DHX36: variants seen among roughly 807,000 people sequenced by gnomAD.
The protein encoded by DHX36 is DEAH-box helicase 36, also known as ATP-dependent DNA/RNA helicase DHX36.
A neutral mutation model predicts 139.0 loss-of-function variants in DHX36; 50 were observed. The ratio of observed to expected loss-of-function variants is 0.36; its 90% CI spans 0.29 to 0.46. DHX36 has a LOEUF of 0.46. Ranked by LOEUF, DHX36 falls within the 20% of genes least tolerant of loss-of-function variation. The pLI is 1.00. For missense variants in DHX36, 1,024 were observed against 1,211.3 expected, an observed-to-expected ratio of 0.85 and a Z score of 2.29; for synonymous variants, 425 against 401.9, an observed-to-expected ratio of 1.06 and a Z score of -0.69.
rs990177644 is a variant in DHX36, at chr3:154,276,091, G to A, written c.*80C>T. On this transcript the variant is annotated 3_prime_UTR_variant, in exon 25 of 25. Transcript: ENST00000496811. ...CACATGAAAATTGTTCATGTCCCAGGGTTTGGCATCCAGCCAAAATTTAAA... is the reference window on the plus strand; with the variant it reads ...CACATGAAAATTGTTCATGTCCCAGAGTTTGGCATCCAGCCAAAATTTAAA... The A allele has an allele frequency of 4.3e-6, 6 of 1,411,098 alleles. No homozygotes were observed. The Admixed American group carries it at 1.3e-4, about 30-fold the overall frequency. The allele number at this position is 1,411,098 out of a possible 1,614,324, so 87.4% of individuals were successfully genotyped here.
chr3:154,293,671 G>C, intron 14 of DHX36, 77 bp downstream of exon 14: 1 of 1,063,404 alleles, frequency 9.4e-7, no homozygotes. Flanking sequence ...AGAGAAAAAA[G>C]ATTAAGGTAT....
At chr3:154,285,357 T>C (rs1200612582) in intron 17 of DHX36, among the ~76,000 whole-genome samples, 2 of 152,200 alleles carry the variant, frequency 1.3e-5, no homozygotes, top group East Asian at 1.9e-4. Context: ...CTCTAGATTC[T>C]AGTAGTTTAG....
intron 5 of DHX36, among the ~76,000 whole-genome samples, chr3:154,308,519 TTAAC>T (rs1712599990): frequency 6.6e-6 from 1 of 152,136 alleles, no homozygotes; most frequent in Non-Finnish European, 1.5e-5. Flanking sequence ...ACTCACATAT[TTAAC>T]TAGGTCATCT....
rs542421109 is a variant in DHX36, at chr3:154,287,739, T to C, written c.2031+1127A>G. ...GAAAGTTGAAAACAGATATGCAATA[T>C]ACAACCAATAAAAAGCGCAGATCAA... On this transcript the variant is annotated intron_variant, in intron 17 of 24. Transcript: ENST00000496811. Among the ~76,000 whole-genome samples, 3 of 152,066 alleles carry C rather than the reference T, an allele frequency of 2.0e-5. No individual in the cohort carries two copies. In the South Asian group the frequency reaches 6.2e-4, roughly 32 times the overall value.
chr3:154,273,511 A>C lies in DHX36; in HGVS notation c.*2660T>G, dbSNP rs1559941099. 1.3e-5 allele frequency: 2 copies of C among 152,212 alleles called. No individual in the cohort carries two copies. The highest frequency in any genetic ancestry group is 2.9e-5 in the Non-Finnish European group (2 of 68,028). The allele number at this position is 152,212 out of a possible 1,614,324, so 9.4% of individuals were successfully genotyped here. On this transcript the variant is annotated 3_prime_UTR_variant, in exon 25 of 25. Coordinates refer to ENST00000496811, the MANE Select transcript of DHX36 (RefSeq NM_020865.3). ...GGATTTAAACTGGATAATAAAAGTA[A>C]GGGAAAAAAAAGCACAAACAGAAAC...
chr3:154,291,428 T>C (rs1333530830), intron 15 of DHX36, among the ~76,000 whole-genome samples: 2 of 152,228 alleles, frequency 1.3e-5, no homozygotes, highest in East Asian at 3.9e-4. Context: ...CTATGGTGAA[T>C]ACTTTTTGAA....
intron 5 of DHX36, among the ~76,000 whole-genome samples, chr3:154,306,817 G>C (rs1214632113): frequency 6.6e-6 from 1 of 151,928 alleles, no homozygotes; most frequent in Non-Finnish European, 1.5e-5. Context: ...TTCTGTGACA[G>C]AACAGTGATA....
intron 9 of DHX36, 151 bp downstream of exon 9, chr3:154,303,178 C>T: frequency 1.7e-6 from 1 of 584,308 alleles, no homozygotes; most frequent in Non-Finnish European, 3.0e-6. Flanking sequence ...AAGCTCCAGG[C>T]AATTTTAATG....
intron 5 of DHX36, among the ~76,000 whole-genome samples, chr3:154,307,985 A>G (rs916072332): frequency 1.3e-5 from 2 of 152,160 alleles, no homozygotes; most frequent in Non-Finnish European, 2.9e-5. Flanking sequence ...AAAAAGACAA[A>G]ATATCATATT....
intron 17 of DHX36, among the ~76,000 whole-genome samples, chr3:154,287,896 C>T (rs1052728081): frequency 1.3e-5 from 2 of 151,810 alleles, no homozygotes; most frequent in Admixed American, 6.6e-5. Flanking sequence ...CAAATTAAAA[C>T]CACTACATAC....
chr3:154,303,109 C>A, intron 9 of DHX36, among the ~76,000 whole-genome samples: 1 of 152,030 alleles, frequency 6.6e-6, no homozygotes, highest in East Asian at 1.9e-4. Flanking sequence ...CTGGCTACTA[C>A]CTCAGACACT....
chr3:154,283,236 G>A lies in DHX36; in HGVS notation c.2328C>T (p.Tyr776=), dbSNP rs200794509. The A allele has an allele frequency of 6.3e-5, 102 of 1,613,724 alleles. No homozygotes were observed. The East Asian group carries it at 8.5e-4, about 13-fold the overall frequency. Residue 776 remains tyrosine (Y), a synonymous_variant, in exon 20 of 25, where the codon TAC becomes TAT. Coordinates refer to ENST00000496811, the MANE Select transcript of DHX36 (RefSeq NM_020865.3). The part of the protein sequence containing the change: ...WEEARRRGFR[Y]EKDYCWEYFL... ...AATATTCCCAGCAATAGTCCTTTTC[G>A]TATCTGAAACCACGTCGCCTAGCCT... is the stretch of plus-strand genomic sequence containing the variant.
chr3:154,324,479 A>C lies in DHX36; in HGVS notation c.-63T>G. On this transcript the variant is annotated 5_prime_UTR_variant, in exon 1 of 25. Transcript: ENST00000496811. ...GCTGGAAATGGCGTCCGGGCCCGGA[A>C]GCCACTGTGCGCCCACTTCCGTTTT... 1 of 1,435,972 alleles carries C rather than the reference A, an allele frequency of 7.0e-7. No homozygotes were observed. 89.0% of individuals were successfully genotyped at this position (1,435,972 alleles called of 1,614,324 possible).
intron 5 of DHX36, 34 bp downstream of exon 5, chr3:154,309,619 A>C: frequency 6.5e-7 from 1 of 1,550,198 alleles, no homozygotes; most frequent in Non-Finnish European, 8.7e-7. Context: ...TACTTTTAAA[A>C]AGACAATTTT....
At chr3:154,307,204 T>C (rs770266773) in intron 5 of DHX36, among the ~76,000 whole-genome samples, 12 of 152,122 alleles carry the variant, frequency 7.9e-5, no homozygotes, top group Non-Finnish European at 5.9e-5. Flanking sequence ...CCTTTGGACA[T>C]TGGTCTAGGC....
Position 154,293,729 on chromosome 3 carries a change from T to C in DHX36, c.1670+19A>G. On this transcript the variant is annotated intron_variant, in intron 14 of 24. Coordinates refer to ENST00000496811, the MANE Select transcript of DHX36 (RefSeq NM_020865.3). ...AACTTATGTAATCATCAGTATTTGA[T>C]ATTTAAAACTATTTTTACCTAGTCT... is the stretch of plus-strand genomic sequence containing the variant. 1.9e-6 allele frequency: 3 copies of C among 1,582,016 alleles called. No homozygotes were observed. Among genetic ancestry groups the C allele is most frequent in the Non-Finnish European group, 2.6e-6 (3 of 1,151,314 alleles).
At position 154,324,470 on chromosome 3, in the gene DHX36, G is replaced by T; in HGVS notation, c.-54C>A. 1 of 1,436,788 alleles carries T rather than the reference G, an allele frequency of 7.0e-7. No individual in the cohort carries two copies. Among genetic ancestry groups the T allele is most frequent in the East Asian group, 2.5e-5 (1 of 39,800 alleles). 89.0% of individuals were successfully genotyped at this position (1,436,788 alleles called of 1,614,324 possible). A position where few individuals can be genotyped will look rare whatever the true frequency, so the allele number is the denominator to read the frequency against. On this transcript the variant is annotated 5_prime_UTR_variant, in exon 1 of 25. Transcript: ENST00000496811. The stretch of plus-strand genomic sequence containing the variant: ...CCAGCAACCGCTGGAAATGGCGTCC[G>T]GGCCCGGAAGCCACTGTGCGCCCAC...
intron 20 of DHX36, among the ~76,000 whole-genome samples, chr3:154,282,877 C>T (rs541195957): frequency 6.6e-6 from 1 of 152,124 alleles, no homozygotes; most frequent in Admixed American, 6.5e-5. Context: ...CTATTTGATA[C>T]TTTTCAACAG....
chr3:154,283,044 T>G, intron 20 of DHX36, 144 bp downstream of exon 20: 1 of 535,648 alleles, frequency 1.9e-6, no homozygotes, highest in Non-Finnish European at 3.4e-6. Flanking sequence ...TTCAGAAAGA[T>G]CCCCCATTAC....
Sources: gnomAD v4.1 joint callset for allele counts (sites outside exome capture counted in the v4.1 genomes callset) on GRCh38, gnomAD v4.1.1 for gene constraint, MANE v1.5 for transcripts, NCBI Gene and HGNC (gene_info 2026-07-23, HGNC 2026-07-21) for gene names.